TRPC6: variants seen among roughly 807,000 people sequenced by gnomAD.
TRPC6 encodes short transient receptor potential channel 6.
In TRPC6, 55 loss-of-function variants were observed where a neutral mutation model predicts 90.7. That is an observed-to-expected ratio of 0.61 (90% CI 0.49 to 0.76). TRPC6 has a LOEUF of 0.76. Among genes scored for constraint, TRPC6 ranks in the 30% least tolerant of loss-of-function variants. TRPC6 has a pLI of 0.00. For missense variants in TRPC6, 989 were observed against 1,122.7 expected (o/e 0.88, Z 1.70); for synonymous variants, 393 against 393.0 (o/e 1.00, Z 0.00).
chr11:101,468,555 C>T (rs1365901551), intron 10 of TRPC6, among the ~76,000 whole-genome samples: 1 of 152,150 alleles, frequency 6.6e-6, no homozygotes, highest in Non-Finnish European at 1.5e-5. Context: ...AAGGTGGTGG[C>T]AGATTCAGCT....
chr11:101,567,775 G>C (rs1015554294), intron 1 of TRPC6, among the ~76,000 whole-genome samples: 7 of 152,174 alleles, frequency 4.6e-5, no homozygotes, highest in African/African-American at 1.7e-4. Context: ...CAGCGGAGGG[G>C]CCTGACTGTT....
intron 1 of TRPC6, among the ~76,000 whole-genome samples, chr11:101,570,252 C>T (rs1265891096): frequency 1.3e-5 from 2 of 152,124 alleles, no homozygotes; most frequent in Non-Finnish European, 2.9e-5. Flanking sequence ...CACCTCTATG[C>T]AAATAAAGTA....
intron 1 of TRPC6, among the ~76,000 whole-genome samples, chr11:101,521,172 T>C (rs538571498): frequency 6.6e-6 from 1 of 150,606 alleles, no homozygotes; most frequent in African/African-American, 2.4e-5. Flanking sequence ...GCCCCTTCTA[T>C]CGCAAGCCTG....
At chr11:101,491,363 G>C in intron 3 of TRPC6, 193 bp downstream of exon 3, 1 of 541,356 alleles carries the variant, frequency 1.8e-6, no homozygotes, top group Non-Finnish European at 3.1e-6. Context: ...GAACCCGGGA[G>C]GCGGAGCTTG....
intron 1 of TRPC6, among the ~76,000 whole-genome samples, chr11:101,571,209 A>G (rs1861956243): frequency 6.6e-6 from 1 of 152,176 alleles, no homozygotes; most frequent in African/African-American, 2.4e-5. Context: ...AATCACAAGC[A>G]TTCCTATACA....
Position 101,504,130 on chromosome 11 carries a change from A to C in TRPC6, c.839T>G (p.Leu280Arg), listed in dbSNP as rs1401786192. ...SRSRINAYKG[L>R]ASPAYLSLSS... ...CAATGACAGGTAAGCCGGACTTGCC[A>C]GGCCTTTATAGGCATTAATCCTAGA... The change falls in exon 2 of 13, where the codon CTG becomes CGG. Residue 280 changes from leucine (L) to arginine (R), a missense_variant. Physicochemically the swap from Leu to Arg is moderately radical, Grantham distance 102. Coordinates refer to ENST00000344327, the MANE Select transcript of TRPC6 (RefSeq NM_004621.6). 6.2e-7 allele frequency: 1 copy of C among 1,614,128 alleles called. No homozygotes were observed. The highest frequency in any genetic ancestry group is 8.5e-7 in the Non-Finnish European group (1 of 1,179,976).
chr11:101,533,087 A>G (rs1860950113), intron 1 of TRPC6, among the ~76,000 whole-genome samples: 1 of 152,180 alleles, frequency 6.6e-6, no homozygotes, highest in Non-Finnish European at 1.5e-5. Flanking sequence ...AATATAGAAA[A>G]TGAACAATGA....
intron 1 of TRPC6, among the ~76,000 whole-genome samples, chr11:101,514,073 T>C (rs1438925918): frequency 6.6e-6 from 1 of 152,104 alleles, no homozygotes; most frequent in Non-Finnish European, 1.5e-5. Flanking sequence ...GAAACCAAAA[T>C]TGTGAAATGC....
intron 1 of TRPC6, among the ~76,000 whole-genome samples, chr11:101,527,101 A>G (rs1230324028): frequency 6.6e-6 from 1 of 152,110 alleles, no homozygotes; most frequent in African/African-American, 2.4e-5. Flanking sequence ...GAAGAAAAAC[A>G]TGCTGGCAAT....
Position 101,482,947 on chromosome 11 carries a change from A to C in TRPC6, c.1510+2T>G. 1 of 1,613,856 alleles carries C rather than the reference A, an allele frequency of 6.2e-7. No individual in the cohort carries two copies. Among genetic ancestry groups the C allele is most frequent in the Non-Finnish European group, 8.5e-7 (1 of 1,179,804 alleles). ...AAAACATGACAGAAAATCAGTCTTT[A>C]CCTATTACCCAGGATATAATGAGCA... On this transcript the variant is annotated splice_donor_variant, in intron 5 of 12. Coordinates refer to ENST00000344327, the MANE Select transcript of TRPC6 (RefSeq NM_004621.6). LOFTEE classifies it high-confidence loss of function.
intron 2 of TRPC6, among the ~76,000 whole-genome samples, chr11:101,502,485 T>A (rs1860153946): frequency 6.6e-6 from 1 of 152,090 alleles, no homozygotes. Flanking sequence ...ATAAAGAATA[T>A]AATAGTCTTC....
chr11:101,562,956 T>G (rs565212639), intron 1 of TRPC6, among the ~76,000 whole-genome samples: 16 of 152,352 alleles, frequency 1.1e-4, no homozygotes, highest in African/African-American at 3.8e-4. Context: ...GCATCATGCC[T>G]GGCAGATAGT....
intron 1 of TRPC6, among the ~76,000 whole-genome samples, chr11:101,536,792 T>C (rs1861059642): frequency 6.6e-6 from 1 of 152,126 alleles, no homozygotes; most frequent in South Asian, 2.1e-4. Context: ...ATTGATGAGT[T>C]TAAAACCTGG....
chr11:101,497,227 C>T (rs1288206386), intron 2 of TRPC6, among the ~76,000 whole-genome samples: 1 of 152,184 alleles, frequency 6.6e-6, no homozygotes, highest in Non-Finnish European at 1.5e-5. Context: ...CTGTAAATAA[C>T]AGAATAATTC....
intron 1 of TRPC6, among the ~76,000 whole-genome samples, chr11:101,554,376 G>A (rs1351866058): frequency 6.6e-6 from 1 of 151,056 alleles, no homozygotes; most frequent in African/African-American, 2.4e-5. Flanking sequence ...TGTTAACTGG[G>A]CATCTAAGCT....
At chr11:101,508,438 G>C (rs1169775973) in intron 1 of TRPC6, among the ~76,000 whole-genome samples, 2 of 152,112 alleles carry the variant, frequency 1.3e-5, no homozygotes, top group Non-Finnish European at 2.9e-5. Context: ...GAGTTAACAA[G>C]ATGGATGAGG....
At chr11:101,551,837 A>G (rs1861457126) in intron 1 of TRPC6, among the ~76,000 whole-genome samples, 1 of 152,090 alleles carries the variant, frequency 6.6e-6, no homozygotes, top group Non-Finnish European at 1.5e-5. Flanking sequence ...CAGGGCTGTC[A>G]TGGTTATTGC....
At chr11:101,510,171 A>G (rs1387599731) in intron 1 of TRPC6, among the ~76,000 whole-genome samples, 1 of 152,094 alleles carries the variant, frequency 6.6e-6, no homozygotes, top group Non-Finnish European at 1.5e-5. Flanking sequence ...TTTATGTCAC[A>G]AGTGGTGTTG....
intron 1 of TRPC6, among the ~76,000 whole-genome samples, chr11:101,505,555 G>C (rs1308768522): frequency 6.6e-6 from 1 of 152,102 alleles, no homozygotes; most frequent in Non-Finnish European, 1.5e-5. Context: ...TAGAGTATAG[G>C]TTTCATTAAT....
Sources: allele counts gnomAD v4.1 joint callset (sites outside exome capture counted in the v4.1 genomes callset), GRCh38; gene constraint gnomAD v4.1.1; transcripts MANE v1.5; gene names NCBI Gene and HGNC (gene_info 2026-07-23, HGNC 2026-07-21).